Variants in ABCA4 observed in about 807,000 individuals in gnomAD.
The protein encoded by ABCA4 is retinal-specific phospholipid-transporting ATPase ABCA4.
A neutral mutation model predicts 263.7 loss-of-function variants in ABCA4; 196 were observed. The ratio of observed to expected loss-of-function variants is 0.74; its 90% CI spans 0.66 to 0.84. The LOEUF (loss-of-function observed/expected upper bound fraction) is 0.84. ABCA4 is among the 40% of genes least tolerant of loss of function. ABCA4 has a pLI of 0.00. For synonymous variants in ABCA4, 1,133 were observed against 1,094.2 expected (o/e 1.04, Z -0.70); for missense variants, 2,792 against 2,855.1 (o/e 0.98, Z 0.50).
At chr1:94,053,184 G>A (rs1178896621) in intron 16 of ABCA4, among the ~76,000 whole-genome samples, 5 of 152,222 alleles carry the variant, frequency 3.3e-5, no homozygotes, top group Non-Finnish European at 7.3e-5. Flanking sequence ...TTCCTGAGCT[G>A]CATCCTTCAT....
In ABCA4 at chr1:94,111,316, A is replaced by G. The variant is rs1188155063; in HGVS notation, c.302+122T>C. 10 of 1,344,034 alleles carry G rather than the reference A, an allele frequency of 7.4e-6. No individual in the cohort carries two copies. In the African/African-American group the frequency reaches 1.5e-4, roughly 20 times the overall value. 83.3% of individuals were successfully genotyped at this position (1,344,034 alleles called of 1,614,324 possible). ...AAACCTGCTCTGCTCCTAAGAGGTT[A>G]GGGGCTCAGCAAAGCCACAAGAACA... On this transcript the variant is annotated intron_variant, in intron 3 of 49. Transcript: ENST00000370225.
chr1:93,994,397 C>T (rs911384201), intron 49 of ABCA4, among the ~76,000 whole-genome samples: 2 of 152,222 alleles, frequency 1.3e-5, no homozygotes, highest in Non-Finnish European at 2.9e-5. Flanking sequence ...TCTGTGTGGT[C>T]CTGGCTCACA....
At chr1:94,031,271 T>A in intron 27 of ABCA4, 151 bp from the exon 28 acceptor site, 1 of 1,085,954 alleles carries the variant, frequency 9.2e-7, no homozygotes, top group Non-Finnish European at 1.4e-6. Context: ...GGGAACATAA[T>A]AAGCAGGGTG....
chr1:94,054,618 T>C (rs188471122), intron 16 of ABCA4, among the ~76,000 whole-genome samples: 1 of 152,018 alleles, frequency 6.6e-6, no homozygotes, highest in Admixed American at 6.5e-5. Context: ...TATTAAACAG[T>C]CAGTAAGGAG....
chr1:94,103,190 CA>C, intron 4 of ABCA4, 48 bp from the exon 5 acceptor site: 11 of 1,607,556 alleles, frequency 6.8e-6, no homozygotes, highest in Non-Finnish European at 8.5e-6. Flanking sequence ...GGAAATGGGT[CA>C]AAAAAAGGAA....
chr1:93,997,679 G>A (rs913313500), intron 48 of ABCA4, among the ~76,000 whole-genome samples, 182 bp downstream of exon 48: 3 of 152,178 alleles, frequency 2.0e-5, no homozygotes, highest in African/African-American at 7.2e-5. Context: ...GAAGTTTCCT[G>A]ATGACTAAAA....
intron 36 of ABCA4, among the ~76,000 whole-genome samples, chr1:94,016,074 T>C (rs190817271): frequency 6.6e-6 from 1 of 152,338 alleles, no homozygotes; most frequent in African/African-American, 2.4e-5. Flanking sequence ...ACCTTTAGTT[T>C]GTATCTTTTG....
intron 30 of ABCA4, among the ~76,000 whole-genome samples, chr1:94,025,839 T>A (rs561194522): frequency 4.3e-4 from 66 of 152,308 alleles, no homozygotes; most frequent in African/African-American, 1.5e-3. Context: ...ATCATTTTGG[T>A]GAGAGCAGGG....
Position 94,121,104 on chromosome 1 carries a change from A to ACTAT in ABCA4, c.-60_-59insATAG. ...GCTGAGGCCCCTCAGACAGCAAAGG[A>ACTAT]CATAAACGCCGTTAAGAGCGCCTCT... On this transcript the variant is annotated 5_prime_UTR_variant, in exon 1 of 50. An upstream open reading frame in the 5' UTR loses its in-frame stop. Coordinates refer to ENST00000370225, the MANE Select transcript of ABCA4 (RefSeq NM_000350.3). 6.5e-7 allele frequency: 1 copy of ACTAT among 1,540,676 alleles called. No homozygotes were observed. The highest frequency in any genetic ancestry group is 9.0e-7 in the Non-Finnish European group (1 of 1,113,096).
chr1:94,095,836 G>T (rs1271835492), intron 6 of ABCA4, among the ~76,000 whole-genome samples: 2 of 147,532 alleles, frequency 1.4e-5, no homozygotes, highest in African/African-American at 2.5e-5. Flanking sequence ...CAGAAGACTA[G>T]ATGTGTCCTG....
chr1:94,092,664 A>T (rs529896225), intron 6 of ABCA4, among the ~76,000 whole-genome samples: 1 of 152,258 alleles, frequency 6.6e-6, no homozygotes, highest in African/African-American at 2.4e-5. Flanking sequence ...GTATGTGAAC[A>T]GACAAGTTAT....
Position 94,098,902 on chromosome 1 carries a change from G to C in ABCA4, c.660C>G (p.Arg220=). 1.2e-6 allele frequency: 2 copies of C among 1,613,958 alleles called. No homozygotes were observed. The highest frequency in any genetic ancestry group is 1.1e-5 in the South Asian group (1 of 91,082). Residue 220 remains arginine (R), a synonymous_variant, in exon 6 of 50, where the codon CGC becomes CGG. Coordinates refer to ENST00000370225, the MANE Select transcript of ABCA4 (RefSeq NM_000350.3). The part of the protein sequence containing the change: ...LERFIIFSQR[R]GAKTVRYALC... ...GGGCATAGCGCACCGTCTTTGCCCC[G>C]CGTCTCTGGCTGAAGATGATGAAGC...
At chr1:94,078,816 T>C (rs987741643) in intron 9 of ABCA4, 110 bp from the exon 10 acceptor site, 6 of 823,460 alleles carry the variant, frequency 7.3e-6, no homozygotes, top group Non-Finnish European at 1.3e-5. Flanking sequence ...GAAAGGCTTT[T>C]CAAGGAAGTG....
intron 13 of ABCA4, 49 bp downstream of exon 13, chr1:94,062,527 AG>A: frequency 1.6e-6 from 2 of 1,262,190 alleles, no homozygotes; most frequent in East Asian, 3.0e-5. Flanking sequence ...AGCCCACTCC[AG>A]CACCCCCATT....
At chr1:94,002,738 G>T (rs998922975) in intron 44 of ABCA4, among the ~76,000 whole-genome samples, 9 of 152,116 alleles carry the variant, frequency 5.9e-5, no homozygotes, top group African/African-American at 2.2e-4. Flanking sequence ...TCTCTCCTCT[G>T]CAGGCTCTCC....
At chr1:94,022,489 C>T (rs1659931107) in intron 32 of ABCA4, among the ~76,000 whole-genome samples, 1 of 152,196 alleles carries the variant, frequency 6.6e-6, no homozygotes, top group Non-Finnish European at 1.5e-5. Context: ...CCTCTCGGGG[C>T]TTCTGTGCCT....
At chr1:94,104,777 T>C (rs1662381091) in intron 4 of ABCA4, among the ~76,000 whole-genome samples, 3 of 152,186 alleles carry the variant, frequency 2.0e-5, no homozygotes, top group Admixed American at 6.5e-5. Flanking sequence ...TGAGAAGGGC[T>C]GCTCCCTTAT....
chr1:94,036,597 G>A (rs550674986), intron 26 of ABCA4, 143 bp downstream of exon 26: 17 of 861,606 alleles, frequency 2.0e-5, no homozygotes, highest in South Asian at 9.7e-5. Context: ...GGCTGGTCTC[G>A]AACTCAGGTG....
chr1:94,119,325 T>C (rs553925970), intron 1 of ABCA4, among the ~76,000 whole-genome samples: 3 of 152,302 alleles, frequency 2.0e-5, no homozygotes, highest in East Asian at 3.9e-4. Context: ...CTGAGGACAA[T>C]GGTGCTTCCC....
Sources: gnomAD v4.1 joint callset for allele counts (sites outside exome capture counted in the v4.1 genomes callset) on GRCh38, gnomAD v4.1.1 for gene constraint, MANE v1.5 for transcripts, NCBI Gene and HGNC (gene_info 2026-07-23, HGNC 2026-07-21) for gene names.